The following KHDRBS2 variants were observed in gnomAD, a reference collection of about 807,000 sequenced individuals.
The protein encoded by KHDRBS2 is KH domain-containing, RNA-binding, signal transduction-associated protein 2.
In KHDRBS2, 26 loss-of-function variants were observed where a neutral mutation model predicts 44.3. The observed-to-expected ratio is 0.59, with a 90% CI of 0.43 to 0.81. KHDRBS2 has a LOEUF of 0.81. Among genes scored for constraint, KHDRBS2 ranks in the 40% least tolerant of loss-of-function variants. The pLI is 0.00. For missense variants in KHDRBS2, 476 were observed against 433.1 expected (o/e 1.10, Z -0.88); for synonymous variants, 194 against 151.1 (o/e 1.28, Z -2.08).
In KHDRBS2 at chr6:62,209,064, C is replaced by T. The variant is rs1585212537; in HGVS notation, c.92-31752G>A. ...GGAAACAATCAATGAAATAAAAAGA[C>T]AACTTACAGATGGGGAAACATACTT... On this transcript the variant is annotated intron_variant, in intron 1 of 8. Transcript: ENST00000281156. Among the ~76,000 whole-genome samples the T allele has an allele frequency of 2.6e-5, 4 of 152,194 alleles. No individual in the cohort carries two copies. The East Asian group carries it at 5.8e-4, about 22-fold the overall frequency.
At chr6:62,234,760 A>G (rs1359295366) in intron 1 of KHDRBS2, among the ~76,000 whole-genome samples, 2 of 151,988 alleles carry the variant, frequency 1.3e-5, no homozygotes, top group African/African-American at 4.8e-5. Flanking sequence ...GAAATCATCC[A>G]GAAGAACTTC....
intron 2 of KHDRBS2, among the ~76,000 whole-genome samples, chr6:62,094,809 A>AG (rs1800224164): frequency 6.6e-6 from 1 of 151,870 alleles, no homozygotes; most frequent in Non-Finnish European, 1.5e-5. Context: ...CCATTTATCG[A>AG]GGGGTCTCTC....
intron 6 of KHDRBS2, among the ~76,000 whole-genome samples, chr6:61,834,709 C>G (rs976350668): frequency 1.3e-5 from 2 of 151,952 alleles, no homozygotes; most frequent in Non-Finnish European, 2.9e-5. Context: ...ACAAAGGGTG[C>G]ACTAAAAATA....
intron 4 of KHDRBS2, among the ~76,000 whole-genome samples, chr6:61,935,273 G>A (rs974935948): frequency 2.0e-5 from 3 of 152,110 alleles, no homozygotes; most frequent in African/African-American, 4.8e-5. Context: ...AATGAAAGAT[G>A]TTTAAAGCTC....
chr6:61,617,504 A>C, the KHDRBS2 span, among the ~76,000 whole-genome samples: 118 of 152,312 alleles, frequency 7.7e-4, no homozygotes, highest in African/African-American at 2.6e-3. Flanking sequence ...ATAACATTCT[A>C]ATATCTTGTA....
chr6:61,845,330 G>A (rs1313745094), intron 6 of KHDRBS2, among the ~76,000 whole-genome samples: 2 of 125,900 alleles, frequency 1.6e-5, no homozygotes, highest in Admixed American at 1.7e-4. Flanking sequence ...TTTTTTTTGA[G>A]ATGGAGTCTT....
At chr6:62,032,575 T>C (rs1362867771) in intron 3 of KHDRBS2, among the ~76,000 whole-genome samples, 3 of 150,930 alleles carry the variant, frequency 2.0e-5, no homozygotes, top group African/African-American at 7.3e-5. Context: ...ATTTCATTAA[T>C]TCTGTTCATC....
At chr6:62,059,928 T>A (rs1791342734) in intron 2 of KHDRBS2, among the ~76,000 whole-genome samples, 1 of 151,800 alleles carries the variant, frequency 6.6e-6, no homozygotes, top group Non-Finnish European at 1.5e-5. Context: ...CAAATATGTA[T>A]CATATGACAA....
chr6:62,036,320 T>C (rs1785274851), intron 3 of KHDRBS2, among the ~76,000 whole-genome samples: 1 of 151,990 alleles, frequency 6.6e-6, no homozygotes, highest in Non-Finnish European at 1.5e-5. Flanking sequence ...CTCAATCTTC[T>C]ATGTCCTATA....
chr6:61,562,952 G>T, the KHDRBS2 span, among the ~76,000 whole-genome samples: 2 of 152,100 alleles, frequency 1.3e-5, no homozygotes, highest in Admixed American at 6.6e-5. Flanking sequence ...CAAAGGGAAA[G>T]ATTTCCTTCT....
chr6:61,739,154 A>T (rs1775804075), intron 6 of KHDRBS2, among the ~76,000 whole-genome samples: 1 of 151,830 alleles, frequency 6.6e-6, no homozygotes, highest in African/African-American at 2.4e-5. Flanking sequence ...GACTTGCAAA[A>T]TTTTTTGCAA....
intron 6 of KHDRBS2, among the ~76,000 whole-genome samples, chr6:61,781,224 T>C (rs967365063): frequency 1.3e-5 from 2 of 152,174 alleles, no homozygotes; most frequent in Non-Finnish European, 2.9e-5. Context: ...TTAAGACAGA[T>C]GTGATTATAA....
At chr6:61,990,498 G>C (rs1775922884) in intron 3 of KHDRBS2, among the ~76,000 whole-genome samples, 1 of 151,878 alleles carries the variant, frequency 6.6e-6, no homozygotes. Flanking sequence ...TGAACATGAA[G>C]TAAAACAAAA....
the KHDRBS2 span, among the ~76,000 whole-genome samples, chr6:61,593,244 T>C: frequency 2.6e-5 from 4 of 152,148 alleles, no homozygotes; most frequent in Admixed American, 6.6e-5. Flanking sequence ...CCAACATTTA[T>C]GTCAAGTTGT....
intron 7 of KHDRBS2, among the ~76,000 whole-genome samples, chr6:61,728,256 C>G (rs568770231): frequency 1.5e-4 from 23 of 151,698 alleles, no homozygotes; most frequent in African/African-American, 5.1e-4. Flanking sequence ...CAGGGACACA[C>G]AGGGGGAGCA....
chr6:61,560,751 C>T, the KHDRBS2 span, among the ~76,000 whole-genome samples: 1 of 152,096 alleles, frequency 6.6e-6, no homozygotes, highest in African/African-American at 2.4e-5. Context: ...GTTTTCTTAA[C>T]ATAGCTATTT....
At chr6:61,794,401 A>C (rs1192557835) in intron 6 of KHDRBS2, among the ~76,000 whole-genome samples, 1 of 152,166 alleles carries the variant, frequency 6.6e-6, no homozygotes, top group Non-Finnish European at 1.5e-5. Context: ...TTATCAAATA[A>C]CTAGTTTTTG....
intron 3 of KHDRBS2, among the ~76,000 whole-genome samples, chr6:62,041,419 A>G (rs941416666): frequency 8.5e-5 from 13 of 152,136 alleles, no homozygotes; most frequent in Admixed American, 7.2e-4. Flanking sequence ...AAAGAACTAC[A>G]TCATTATAAT....
At chr6:62,062,033 G>A (rs1056634512) in intron 2 of KHDRBS2, among the ~76,000 whole-genome samples, 7 of 151,546 alleles carry the variant, frequency 4.6e-5, no homozygotes, top group African/African-American at 9.7e-5. Flanking sequence ...ATCAAAGAAG[G>A]CCATTACATA....
Sources: gnomAD v4.1 joint callset for allele counts (sites outside exome capture counted in the v4.1 genomes callset) on GRCh38, gnomAD v4.1.1 for gene constraint, MANE v1.5 for transcripts, NCBI Gene and HGNC (gene_info 2026-07-23, HGNC 2026-07-21) for gene names.